ABHD4: variants seen among roughly 807,000 people sequenced by gnomAD.
ABHD4 encodes the protein abhydrolase domain containing 4, N-acyl phospholipase B, also known as (Lyso)-N-acylphosphatidylethanolamine lipase.
In ABHD4, 35 loss-of-function variants were observed where a neutral mutation model predicts 42.3. The observed-to-expected ratio is 0.83, with a 90% CI of 0.63 to 1.10. ABHD4 has a LOEUF of 1.10. ABHD4 is among the 50% of genes least tolerant of loss of function. The probability of loss-of-function intolerance (pLI) is 0.00; values close to 1 mark genes in which losing one functional copy is unlikely to be tolerated. For missense variants in ABHD4, 389 were observed against 454.8 expected, an observed-to-expected ratio of 0.86 and a Z score of 1.32; for synonymous variants, 169 against 170.6, an observed-to-expected ratio of 0.99 and a Z score of 0.07.
In ABHD4 at chr14:22,603,952, A is replaced by C; in HGVS notation, c.513A>C (p.Pro171=). 6.2e-7 allele frequency: 1 copy of C among 1,614,162 alleles called. No homozygotes were observed. Among genetic ancestry groups the C allele is most frequent in the Non-Finnish European group, 8.5e-7 (1 of 1,180,028 alleles). The change falls in exon 4 of 7, where the codon CCA becomes CCC. Residue 171 remains proline (P), a synonymous_variant. Coordinates refer to ENST00000428304, the MANE Select transcript of ABHD4 (RefSeq NM_022060.3). ...TTAAACACCTCATCCTGGTGGACCCATGGGGCTTTCCCCTCCGACCAACTA... is the reference window on the plus strand; with the variant it reads ...TTAAACACCTCATCCTGGTGGACCCCTGGGGCTTTCCCCTCCGACCAACTA... The part of the protein sequence containing the change: ...DRVKHLILVD[P]WGFPLRPTNP...
intron 4 of ABHD4, 35 bp from the exon 5 acceptor site, chr14:22,606,387 A>C (rs780463785): frequency 6.7e-7 from 1 of 1,499,298 alleles, no homozygotes; most frequent in African/African-American, 1.4e-5. Flanking sequence ...CCACCTCCCA[A>C]ATTGGCCTGT....
Position 22,604,078 on chromosome 14 carries a change from G to T in ABHD4, c.639G>T (p.Trp213Cys), listed in dbSNP as rs1472492330. 1 of 1,614,116 alleles carries T rather than the reference G, an allele frequency of 6.2e-7. No homozygotes were observed. The highest frequency in any genetic ancestry group is 1.1e-5 in the South Asian group (1 of 91,082). ...CTGTTCTTCGAGTAGCTGGGCCCTGGGGTGAGTAGCCTGTAGTATCTCCTT... is the reference window on the plus strand; with the variant it reads ...CTGTTCTTCGAGTAGCTGGGCCCTGTGGTGAGTAGCCTGTAGTATCTCCTT... ...PLAVLRVAGP[W>C]GPGLVQRFRP... The change falls in exon 4 of 7, where the codon TGG becomes TGT. Residue 213 changes from tryptophan (W) to cysteine (C), a missense_variant and splice_region_variant. Trp to Cys is a radical substitution (Grantham distance 215, BLOSUM62 -2). This residue lies in a region of ABHD4 where 249 missense variants were observed against 254.4 expected (regional missense o/e 0.98). Coordinates refer to ENST00000428304, the MANE Select transcript of ABHD4 (RefSeq NM_022060.3).
chr14:22,601,824 G>A, intron 2 of ABHD4, 69 bp downstream of exon 2: 1 of 1,388,856 alleles, frequency 7.2e-7, no homozygotes, highest in East Asian at 2.3e-5. Flanking sequence ...TCTTCCCAGA[G>A]CCTGCTACAT....
chr14:22,612,329 T>TCTA lies in ABHD4; in HGVS notation c.*1382_*1384dup, dbSNP rs1428398411. 1 of 152,642 alleles carries TCTA rather than the reference T, an allele frequency of 6.6e-6. No homozygotes were observed. Among genetic ancestry groups the TCTA allele is most frequent in the Non-Finnish European group, 1.5e-5 (1 of 68,054 alleles). The allele number at this position is 152,642 out of a possible 1,614,324, so 9.5% of individuals were successfully genotyped here. On this transcript the variant is annotated 3_prime_UTR_variant, in exon 7 of 7. Transcript: ENST00000428304. The stretch of plus-strand genomic sequence containing the variant: ...TGGTCCAGCTGCCCTGGGCTCCTTT[T>TCTA]CTATATTAATAAAGAAACGAGTAAA...
chr14:22,599,980 C>A (rs919431023), intron 1 of ABHD4: 8 of 289,596 alleles, frequency 2.8e-5, no homozygotes, highest in South Asian at 5.7e-5. Context: ...TTGCTACTTG[C>A]AAAACACTGG....
rs1193858540 is a variant in ABHD4 at position 22,611,789 on chromosome 14, G to A, written c.*841G>A. 1 of 153,252 alleles carries A rather than the reference G, an allele frequency of 6.5e-6. No individual in the cohort carries two copies. The allele number at this position is 153,252 out of a possible 1,614,324, so 9.5% of individuals were successfully genotyped here. ...CTCATCCCCGGCTGCCTAAGCTAGGGACACTCAAGTGCTTCCTTCCTTGCC... is the reference window on the plus strand; with the variant it reads ...CTCATCCCCGGCTGCCTAAGCTAGGAACACTCAAGTGCTTCCTTCCTTGCC... On this transcript the variant is annotated 3_prime_UTR_variant, in exon 7 of 7. Coordinates refer to ENST00000428304, the MANE Select transcript of ABHD4 (RefSeq NM_022060.3).
rs1011134730 is a variant in ABHD4 at position 22,603,416 on chromosome 14, T to C, written c.139T>C (p.Tyr47His). 2 of 1,614,172 alleles carry C rather than the reference T, an allele frequency of 1.2e-6. No homozygotes were observed. The highest frequency in any genetic ancestry group is 8.5e-7 in the Non-Finnish European group (1 of 1,180,034). ...QCLQNKFLAR[Y>H]VSLPNQNKIW... is the part of the protein sequence containing the mutation. ...TCTCCAGAATAAGTTCCTGGCCAGA[T>C]ATGTATCCCTCCCAAACCAGAATAA... The change falls in exon 3 of 7, where the codon TAT (tyrosine) becomes CAT (histidine). Residue 47 changes from tyrosine (Y) to histidine (H), a missense_variant. Coordinates refer to ENST00000428304, the MANE Select transcript of ABHD4 (RefSeq NM_022060.3).
In ABHD4 at chr14:22,609,733, A is replaced by G. The variant is rs762457523; in HGVS notation, c.762A>G (p.Thr254=). The G allele has an allele frequency of 6.2e-7, 1 of 1,613,760 alleles. No individual in the cohort carries two copies. Among genetic ancestry groups the G allele is most frequent in the South Asian group, 1.1e-5 (1 of 91,040 alleles). ...HCNAQNPSGE[T]AFKAMMESFG... ...GTTTTGCTTTTGACAGTGGTGAGAC[A>G]GCATTCAAAGCCATGATGGAGTCCT... The change falls in exon 6 of 7, where the codon ACA becomes ACG. Residue 254 remains threonine (T), a synonymous_variant. Coordinates refer to ENST00000428304, the MANE Select transcript of ABHD4 (RefSeq NM_022060.3).
rs1594895486 is a variant in ABHD4 at position 22,612,473 on chromosome 14, CCTT to C, written c.*1528_*1530del. On this transcript the variant is annotated 3_prime_UTR_variant, in exon 7 of 7. Transcript: ENST00000428304. The stretch of plus-strand genomic sequence containing the variant: ...GAGGGTTGCCTGCCTACCCACGACT[CCTT>C]CTCCTTTTAGTGTGGCGTTTGCCCG... 6.6e-6 allele frequency: 1 copy of C among 152,192 alleles called. No homozygotes were observed. The highest frequency in any genetic ancestry group is 2.4e-5 in the African/African-American group (1 of 41,384). 9.4% of individuals were successfully genotyped at this position (152,192 alleles called of 1,614,324 possible). A position where few individuals can be genotyped will look rare whatever the true frequency, so the allele number is the denominator to read the frequency against.
rs2037428363 is a variant in ABHD4, at chr14:22,612,688, A to T, written c.*1740A>T. The T allele has an allele frequency of 6.6e-6, 1 of 152,290 alleles. No homozygotes were observed. The highest frequency in any genetic ancestry group is 2.4e-5 in the African/African-American group (1 of 41,454). 9.4% of individuals were successfully genotyped at this position (152,290 alleles called of 1,614,324 possible). ...AAGTTCAAGGGAAGCCCACACATGTACTGCTCCCTGCATCCTGCTCTAACT... is the reference window on the plus strand; with the variant it reads ...AAGTTCAAGGGAAGCCCACACATGTTCTGCTCCCTGCATCCTGCTCTAACT... On this transcript the variant is annotated 3_prime_UTR_variant, in exon 7 of 7. Transcript: ENST00000428304.
chr14:22,606,407 T>G lies in ABHD4; in HGVS notation c.641-15T>G, dbSNP rs193019867. 3.3e-4 allele frequency: 536 copies of G among 1,601,116 alleles called. 2 individuals are homozygous for G. The East Asian group carries it at 5.0e-3, about 15-fold the overall frequency. ...TCCCAAATTGGCCTGTCTGTGTTTT[T>G]CTATCCCCTCCCAGGGCCTGGTCTG... On this transcript the variant is annotated splice_polypyrimidine_tract_variant and intron_variant, in intron 4 of 6. Transcript: ENST00000428304.
At position 22,609,866 on chromosome 14, in the gene ABHD4, A is replaced by T. The variant is rs939677605; in HGVS notation, c.895A>T (p.Lys299Ter). The T allele has an allele frequency of 6.2e-7, 1 of 1,613,942 alleles. No homozygotes were observed. The highest frequency in any genetic ancestry group is 1.3e-5 in the African/African-American group (1 of 74,900). Residue 299 changes from lysine (K) to a stop codon, truncating the protein, a stop_gained, in exon 6 of 7, where the codon AAA becomes TAA. Coordinates refer to ENST00000428304, the MANE Select transcript of ABHD4 (RefSeq NM_022060.3). LOFTEE classifies it high-confidence loss of function. ...CACCTGGATAGATACCAGTACGGGA[A>T]AAAAGGTGAAGATGCAGCGGCCGGA... Reference protein sequence around the residue: ...SDTWIDTSTGKKVKMQRPDSY... With the variant: ...SDTWIDTSTG
intron 1 of ABHD4, 115 bp downstream of exon 1, chr14:22,598,444 T>C: frequency 7.0e-7 from 1 of 1,438,002 alleles, no homozygotes; most frequent in South Asian, 1.2e-5. Context: ...CTTTTCCAGG[T>C]CGGCCTCCGG....
intron 5 of ABHD4, among the ~76,000 whole-genome samples, chr14:22,606,769 T>A (rs74036431): frequency 0.081 from 12,333 of 152,238 alleles, 935 homozygotes; most frequent in African/African-American, 0.2. Flanking sequence ...AGGCCCTCCC[T>A]GTTCCCTACA....
Position 22,599,152 on chromosome 14 carries a change from A to G in ABHD4, c.23+823A>G, listed in dbSNP as rs140779180. Among the ~76,000 whole-genome samples the G allele has an allele frequency of 3.4e-3, 525 of 152,322 alleles. 6 individuals carry two copies. The highest frequency in any genetic ancestry group is 0.012 in the African/African-American group (500 of 41,586). The stretch of plus-strand genomic sequence containing the variant: ...ACCTGTAGAACTGGAAGTCCGGGGA[A>G]CTAATTAACTTTATGACCATAATTA... On this transcript the variant is annotated intron_variant, in intron 1 of 6. Transcript: ENST00000428304.
chr14:22,605,932 C>T (rs1246210456), intron 4 of ABHD4: 10 of 895,066 alleles, frequency 1.1e-5, no homozygotes, highest in African/African-American at 1.7e-5. Flanking sequence ...GTCTGAGACA[C>T]GATTGTGTTT....
Position 22,603,137 on chromosome 14 carries a change from G to A in ABHD4, c.113-253G>A, listed in dbSNP as rs7161271. ...ACTTTGCAGGATTCTTGCTAAGACT[G>A]AGCTAGACATTTGGAAGACAGGCCA... On this transcript the variant is annotated intron_variant, in intron 2 of 6. Transcript: ENST00000428304. 4.3e-3 allele frequency among the ~76,000 whole-genome samples: 652 copies of A among 152,350 alleles called. 3 individuals carry two copies. Among genetic ancestry groups the A allele is most frequent in the African/African-American group, 0.015 (628 of 41,586 alleles).
intron 5 of ABHD4, among the ~76,000 whole-genome samples, chr14:22,607,366 C>T (rs1040088876): frequency 1.3e-5 from 2 of 152,080 alleles, no homozygotes; most frequent in African/African-American, 2.4e-5. Flanking sequence ...GGTGACACCC[C>T]GAGCTGCTGG....
rs113290423 is a variant in ABHD4, at chr14:22,603,378, T to C, written c.113-12T>C. On this transcript the variant is annotated splice_polypyrimidine_tract_variant and intron_variant, in intron 2 of 6. Coordinates refer to ENST00000428304, the MANE Select transcript of ABHD4 (RefSeq NM_022060.3). ...CACTTATTGACTTACCATGGGATTC[T>C]TTCCTCCCCAGGTCTCCAGAATAAG... is the stretch of plus-strand genomic sequence containing the variant. 1.2e-6 allele frequency: 2 copies of C among 1,614,082 alleles called. No homozygotes were observed. Among genetic ancestry groups the C allele is most frequent in the Non-Finnish European group, 1.7e-6 (2 of 1,179,996 alleles).
Sources: allele counts gnomAD v4.1 joint callset (sites outside exome capture counted in the v4.1 genomes callset), GRCh38; gene constraint gnomAD v4.1.1; regional missense constraint gnomAD v4.1.1; transcripts MANE v1.5; gene names NCBI Gene and HGNC (gene_info 2026-07-23, HGNC 2026-07-21).